GAS2: variants seen among roughly 807,000 people sequenced by gnomAD.
The protein encoded by GAS2 is growth arrest specific 2.
Under a neutral mutation model 37.5 loss-of-function variants are expected in GAS2, and 20 were observed. The observed-to-expected ratio is 0.53, with a 90% CI of 0.37 to 0.77. The LOEUF is 0.77. Among genes scored for constraint, GAS2 ranks in the 30% least tolerant of loss-of-function variants. GAS2 has a pLI of 0.00. For missense variants in GAS2, 336 were observed against 373.4 expected (o/e 0.90, Z 0.82); for synonymous variants, 144 against 132.2 (o/e 1.09, Z -0.61).
rs192074971 is a variant in GAS2, at chr11:22,757,224, T to A, written c.723+1271T>A. 3.4e-3 allele frequency among the ~76,000 whole-genome samples: 516 copies of A among 152,270 alleles called. 3 individuals carry two copies. Among genetic ancestry groups the A allele is most frequent in the African/African-American group, 0.012 (480 of 41,586 alleles). On this transcript the variant is annotated intron_variant, in intron 7 of 7. Coordinates refer to ENST00000454584, the MANE Select transcript of GAS2 (RefSeq NM_001143830.3). ...TATATATTACATATGTTTATTTGCA[T>A]CTGTGATTTCAGATGCAAATTTAGT...
chr11:22,697,159 T>C (rs1590656988), intron 3 of GAS2, among the ~76,000 whole-genome samples: 1 of 152,378 alleles, frequency 6.6e-6, no homozygotes, highest in Admixed American at 6.5e-5. Context: ...GCTTTCTACA[T>C]ATGGCTAGCC....
chr11:22,730,358 A>G (rs570342513), intron 4 of GAS2, among the ~76,000 whole-genome samples: 1 of 151,964 alleles, frequency 6.6e-6, no homozygotes, highest in Non-Finnish European at 1.5e-5. Context: ...TTATTGACAT[A>G]AAATTTTATA....
intron 3 of GAS2, among the ~76,000 whole-genome samples, chr11:22,697,345 A>G (rs1481526842): frequency 6.6e-6 from 1 of 152,180 alleles, no homozygotes; most frequent in Non-Finnish European, 1.5e-5. Flanking sequence ...TGGTTACTGT[A>G]GCCTTGTAGT....
chr11:22,741,008 A>G (rs540347953), intron 5 of GAS2, among the ~76,000 whole-genome samples: 2 of 152,264 alleles, frequency 1.3e-5, no homozygotes, highest in South Asian at 2.1e-4. Flanking sequence ...ATTTGATTCT[A>G]AACACTTTTC....
chr11:22,665,121 C>G (rs1354365281), upstream of GAS2, among the ~76,000 whole-genome samples: 1 of 152,016 alleles, frequency 6.6e-6, no homozygotes, highest in Admixed American at 6.5e-5. Flanking sequence ...TAGCATTGTT[C>G]CTGAATCAAC....
In GAS2 at chr11:22,789,644, T is replaced by A. The variant is rs180942380; in HGVS notation, c.724-22154T>A. 8.5e-4 allele frequency among the ~76,000 whole-genome samples: 128 copies of A among 150,000 alleles called. 1 individual carries two copies. In the East Asian group the frequency reaches 0.022, roughly 26 times the overall value. On this transcript the variant is annotated intron_variant, in intron 7 of 7. Coordinates refer to ENST00000454584, the MANE Select transcript of GAS2 (RefSeq NM_001143830.3). ...ACCCGGCTAGTTTTTTTGTATTTTT[T>A]TTAGTAGAGACGGGGTTTCACCGCG...
intron 3 of GAS2, among the ~76,000 whole-genome samples, chr11:22,696,698 G>C (rs1327486515): frequency 6.6e-6 from 1 of 151,004 alleles, no homozygotes; most frequent in Non-Finnish European, 1.5e-5. Context: ...GGCCAGTGAT[G>C]ATGAGCATTT....
intron 1 of GAS2, among the ~76,000 whole-genome samples, chr11:22,628,189 G>A (rs532852516): frequency 2.8e-4 from 43 of 152,300 alleles, no homozygotes; most frequent in African/African-American, 9.6e-4. Context: ...TTGAGGCAGG[G>A]TGGGGAGGGA....
chr11:22,716,417 A>C (rs1455197419), intron 3 of GAS2, among the ~76,000 whole-genome samples: 4 of 152,162 alleles, frequency 2.6e-5, no homozygotes, highest in African/African-American at 9.7e-5. Context: ...AGACAGGCAG[A>C]TCATTTGAGG....
At chr11:22,685,553 G>A (rs1849898591) in intron 2 of GAS2, 115 bp from the exon 3 acceptor site, 1 of 1,071,894 alleles carries the variant, frequency 9.3e-7, no homozygotes, top group South Asian at 1.7e-5. Flanking sequence ...TCCTATCCCA[G>A]TTATGTAACT....
chr11:22,654,849 G>A (rs998397340), intron 1 of GAS2, among the ~76,000 whole-genome samples: 1 of 152,052 alleles, frequency 6.6e-6, no homozygotes, highest in African/African-American at 2.4e-5. Flanking sequence ...AAAACTAAAA[G>A]AGCATAAAGA....
intron 7 of GAS2, among the ~76,000 whole-genome samples, chr11:22,770,060 C>T (rs1181027932): frequency 3.3e-5 from 5 of 152,132 alleles, no homozygotes; most frequent in Non-Finnish European, 5.9e-5. Context: ...GAAAACCAAA[C>T]ACCGCATGTT....
intron 2 of GAS2, among the ~76,000 whole-genome samples, chr11:22,676,337 G>A (rs1046508681): frequency 2.0e-5 from 3 of 152,000 alleles, no homozygotes; most frequent in Non-Finnish European, 2.9e-5. Flanking sequence ...GTCTTTTTGG[G>A]GTTCACTAAT....
At chr11:22,699,933 A>G (rs1384134610) in intron 3 of GAS2, among the ~76,000 whole-genome samples, 1 of 152,142 alleles carries the variant, frequency 6.6e-6, no homozygotes, top group Non-Finnish European at 1.5e-5. Context: ...TCTGAATAAA[A>G]TGAAAGAACC....
intron 7 of GAS2, among the ~76,000 whole-genome samples, chr11:22,769,987 A>T (rs993742527): frequency 2.0e-5 from 3 of 152,206 alleles, no homozygotes; most frequent in African/African-American, 7.2e-5. Context: ...ATGTGGTCAT[A>T]TCCTTTGCAG....
intron 3 of GAS2, among the ~76,000 whole-genome samples, chr11:22,721,024 A>G (rs1851922548): frequency 6.6e-6 from 1 of 152,042 alleles, no homozygotes; most frequent in African/African-American, 2.4e-5. Context: ...TAGGAGCACA[A>G]GAGACCAAAT....
intron 7 of GAS2, among the ~76,000 whole-genome samples, chr11:22,776,504 G>A (rs890438767): frequency 3.9e-5 from 6 of 152,194 alleles, no homozygotes; most frequent in South Asian, 2.1e-4. Flanking sequence ...TTCGGCCAGA[G>A]TGATTGGGCA....
At chr11:22,762,787 CCTT>C (rs1240900510) in intron 7 of GAS2, among the ~76,000 whole-genome samples, 2 of 150,606 alleles carry the variant, frequency 1.3e-5, no homozygotes, top group African/African-American at 5.0e-5. Flanking sequence ...TGGTCTATCT[CCTT>C]AATAGGCAAA....
chr11:22,744,925 G>A (rs2134263825), intron 5 of GAS2, among the ~76,000 whole-genome samples: 1 of 151,962 alleles, frequency 6.6e-6, no homozygotes, highest in Middle Eastern at 3.4e-3. Flanking sequence ...CTAGAGAAGT[G>A]AAAGATCTCT....
Sources: gnomAD v4.1 joint callset for allele counts (sites outside exome capture counted in the v4.1 genomes callset) on GRCh38, gnomAD v4.1.1 for gene constraint, MANE v1.5 for transcripts, NCBI Gene and HGNC (gene_info 2026-07-23, HGNC 2026-07-21) for gene names.